MAMLD1: variants seen among roughly 807,000 people sequenced by gnomAD.
The protein encoded by MAMLD1 is mastermind-like domain-containing protein 1.
Under a neutral mutation model 45.0 loss-of-function variants are expected in MAMLD1, and 14 were observed. The ratio of observed to expected loss-of-function variants is 0.31; its 90% CI spans 0.21 to 0.49. The LOEUF (loss-of-function observed/expected upper bound fraction) is 0.49. MAMLD1 is among the 20% of genes least tolerant of loss of function. MAMLD1 has a pLI of 0.99. For missense variants in MAMLD1, 543 were observed against 603.6 expected, an observed-to-expected ratio of 0.90 and a Z score of 1.05; for synonymous variants, 254 against 247.8, an observed-to-expected ratio of 1.02 and a Z score of -0.24.
At chrX:150,390,648 G>A (rs1289310654) in intron 1 of MAMLD1, among the ~76,000 whole-genome samples, 1 of 112,174 alleles carries the variant, frequency 8.9e-6, no homozygotes, top group Non-Finnish European at 1.9e-5. Flanking sequence ...TACACATTCA[G>A]TATCAAATAA....
At chrX:150,400,736 T>C (rs1313183828) in intron 1 of MAMLD1, among the ~76,000 whole-genome samples, 3 of 110,825 alleles carry the variant, frequency 2.7e-5, no homozygotes, top group Non-Finnish European at 3.8e-5. Flanking sequence ...TTGTCTTTGG[T>C]TCTGTTTATA....
chrX:150,398,314 GA>G (rs1569564577), intron 1 of MAMLD1, among the ~76,000 whole-genome samples: 48 of 99,070 alleles, frequency 4.8e-4, no homozygotes, highest in African/African-American at 1.5e-3. Flanking sequence ...AGAAGAAGAA[GA>G]AGAAGAAGAA....
chrX:150,481,573 T>C (rs2036757576), intron 5 of MAMLD1, among the ~76,000 whole-genome samples: 1 of 111,693 alleles, frequency 9.0e-6, no homozygotes, highest in South Asian at 3.7e-4. Flanking sequence ...CTCACACCTG[T>C]AATCGCAGCA....
rs781967572 is a variant in MAMLD1 at position 150,470,614 on chromosome X, CCCACCACCGCTGCCACTGCCA to C, written c.1050_1070del (p.Leu351_Pro357del). 2 of 1,211,695 alleles carry C rather than the reference CCCACCACCGCTGCCACTGCCA, an allele frequency of 1.7e-6. No individual in the cohort carries two copies. Among genetic ancestry groups the C allele is most frequent in the Admixed American group, 4.3e-5 (2 of 46,085 alleles). On this transcript the variant is annotated inframe_deletion, in exon 4 of 8. Transcript: ENST00000370401. ...CTTACCGCCCAGTGCCATCACCACA[CCCACCACCGCTGCCACTGCCA>C]CCACCACCACCCCCATTCAGCCCCC...
intron 1 of MAMLD1, among the ~76,000 whole-genome samples, chrX:150,445,189 C>T (rs782124726): frequency 8.9e-6 from 1 of 112,042 alleles, no homozygotes; most frequent in Admixed American, 9.4e-5. Context: ...CATGAAGCTG[C>T]TCCTCCATCC....
chrX:150,481,956 AGAAAGAAAAAAG>A (rs1366509842), intron 5 of MAMLD1, among the ~76,000 whole-genome samples: 9 of 95,897 alleles, frequency 9.4e-5, no homozygotes, highest in African/African-American at 3.5e-4. Flanking sequence ...AAAGAAAGAA[AGAAAGAAAAAAG>A]AAAGAAAGAA....
At chrX:150,493,241 C>T (rs781950753) in intron 5 of MAMLD1, among the ~76,000 whole-genome samples, 268 of 111,449 alleles carry the variant, frequency 2.4e-3, no homozygotes, top group South Asian at 9.8e-3. Flanking sequence ...GAGCTAGGTA[C>T]TTGCAGCCTT....
chrX:150,505,646 G>A, intron 6 of MAMLD1, among the ~76,000 whole-genome samples: 1 of 112,016 alleles, frequency 8.9e-6, no homozygotes, highest in Admixed American at 9.4e-5. Flanking sequence ...CCCAGATCTC[G>A]GCGTTAACAG....
chrX:150,402,228 G>A (rs113148068), intron 1 of MAMLD1, among the ~76,000 whole-genome samples: 1,709 of 107,058 alleles, frequency 0.016, 40 homozygotes, highest in African/African-American at 0.057. Flanking sequence ...TTTACAAGAA[G>A]AAAACAAACA....
At position 150,507,551 on chromosome X, in the gene MAMLD1, G is replaced by A. The variant is rs182302365; in HGVS notation, c.2285-2411G>A. Among the ~76,000 whole-genome samples the A allele has an allele frequency of 5.3e-5, 6 of 112,156 alleles. No individual in the cohort carries two copies. The South Asian group carries it at 1.9e-3, about 35-fold the overall frequency. ...GGTGAAGAGACCATGGAGGACCGTC[G>A]CTTGCTGGTGGCACCCCAGACTTGA... On this transcript the variant is annotated intron_variant, in intron 6 of 7. Transcript: ENST00000370401.
chrX:150,405,869 G>C (rs918154054), intron 1 of MAMLD1, among the ~76,000 whole-genome samples: 7 of 110,444 alleles, frequency 6.3e-5, no homozygotes, highest in South Asian at 3.9e-4. Context: ...CTGTCAAAGT[G>C]GGGGAGCAAA....
intron 1 of MAMLD1, among the ~76,000 whole-genome samples, chrX:150,402,738 A>G (rs1446361123): frequency 6.2e-5 from 7 of 112,269 alleles, no homozygotes; most frequent in Non-Finnish European, 9.4e-5. Flanking sequence ...AATACTATGC[A>G]GCCATAAACA....
intron 1 of MAMLD1, among the ~76,000 whole-genome samples, chrX:150,374,992 G>T (rs782423749): frequency 2.7e-5 from 3 of 110,911 alleles, no homozygotes; most frequent in African/African-American, 9.8e-5. Flanking sequence ...AAGTGGGGTC[G>T]TGTCCTTTTG....
chrX:150,411,666 A>G (rs1467476267), intron 1 of MAMLD1, among the ~76,000 whole-genome samples: 1 of 111,519 alleles, frequency 9.0e-6, no homozygotes, highest in Non-Finnish European at 1.9e-5. Context: ...TGTCATGTCT[A>G]GGATGCTGCC....
At chrX:150,445,643 T>C (rs371792879) in intron 2 of MAMLD1, 31 bp downstream of exon 2, 1 of 1,012,011 alleles carries the variant, frequency 9.9e-7, no homozygotes, top group Non-Finnish European at 1.4e-6. Flanking sequence ...GGGAGGGGGG[T>C]ATTTAATGCT....
intron 1 of MAMLD1, among the ~76,000 whole-genome samples, chrX:150,403,448 A>G (rs2033871264): frequency 8.9e-6 from 1 of 111,758 alleles, no homozygotes; most frequent in Non-Finnish European, 1.9e-5. Flanking sequence ...AAAATGGCCA[A>G]TTTTATGTTA....
Position 150,470,252 on chromosome X carries a change from A to G in MAMLD1, c.679A>G (p.Met227Val). The G allele has an allele frequency of 4.1e-6, 5 of 1,211,360 alleles. No individual in the cohort carries two copies. The highest frequency in any genetic ancestry group is 5.6e-6 in the Non-Finnish European group (5 of 895,188). ...CACAACTCCCAAGCCTTCGGTTCAG[A>G]TGTCACACTTGGAGAGCCTGGCTTC... Reference protein sequence around the residue: ...LSTTPKPSVQMSHLESLASSK... With the variant: ...LSTTPKPSVQVSHLESLASSK... Residue 227 changes from methionine to valine, a missense_variant, in exon 4 of 8, where the codon ATG becomes GTG. By Grantham distance (21) the Met-to-Val change is conservative. Coordinates refer to ENST00000370401, the MANE Select transcript of MAMLD1 (RefSeq NM_005491.5).
intron 2 of MAMLD1, among the ~76,000 whole-genome samples, chrX:150,460,591 G>A (rs781871367): frequency 3.0e-4 from 33 of 111,840 alleles, no homozygotes; most frequent in South Asian, 2.3e-3. Flanking sequence ...CAGCCAGGGC[G>A]TGGAGGCAGG....
At chrX:150,405,160 T>C (rs1182449297) in intron 1 of MAMLD1, among the ~76,000 whole-genome samples, 1 of 112,394 alleles carries the variant, frequency 8.9e-6, no homozygotes, top group Admixed American at 9.5e-5. Flanking sequence ...TGTTTAAAAA[T>C]CCATGGCTCT....
Sources: gnomAD v4.1 joint callset for allele counts (sites outside exome capture counted in the v4.1 genomes callset) on GRCh38, gnomAD v4.1.1 for gene constraint, MANE v1.5 for transcripts, NCBI Gene and HGNC (gene_info 2026-07-23, HGNC 2026-07-21) for gene names.